The following XRN1 variants were observed in gnomAD, a reference collection of about 807,000 sequenced individuals.
The protein encoded by XRN1 is 5'-3' exoribonuclease 1.
A neutral mutation model predicts 222.3 loss-of-function variants in XRN1; 67 were observed. The ratio of observed to expected loss-of-function variants is 0.30; its 90% CI spans 0.25 to 0.37. XRN1 has a LOEUF of 0.37. Among genes scored for constraint, XRN1 ranks in the 10% least tolerant of loss-of-function variants. The pLI is 1.00. For synonymous variants in XRN1, 643 were observed against 652.4 expected (o/e 0.99, Z 0.22); for missense variants, 1,707 against 2,000.2 (o/e 0.85, Z 2.80).
chr3:142,339,789 C>T (rs1255924801), intron 33 of XRN1, among the ~76,000 whole-genome samples: 1 of 151,902 alleles, frequency 6.6e-6, no homozygotes, highest in Non-Finnish European at 1.5e-5. Flanking sequence ...AGGGCAAGAC[C>T]CTGCCTCAAA....
intron 2 of XRN1, among the ~76,000 whole-genome samples, chr3:142,431,190 T>C (rs2069505132): frequency 6.6e-6 from 1 of 152,208 alleles, no homozygotes; most frequent in African/African-American, 2.4e-5. Flanking sequence ...AGTACTATCA[T>C]TTGCAAATTA....
At chr3:142,362,383 G>A (rs1414297791) in intron 29 of XRN1, among the ~76,000 whole-genome samples, 32 of 152,048 alleles carry the variant, frequency 2.1e-4, no homozygotes, top group Admixed American at 1.8e-3. Context: ...TGAGCCGCCC[G>A]CCTTGGCTTC....
At chr3:142,371,129 CAAA>C (rs372983936) in intron 26 of XRN1, 107 bp downstream of exon 26, 8,560 of 628,480 alleles carry the variant, frequency 0.014, no homozygotes, top group Middle Eastern at 0.019. Flanking sequence ...GAACCTGTCT[CAAA>C]AAAAAAAAAA....
chr3:142,307,557 T>A lies in XRN1; in HGVS notation c.*3954A>T, dbSNP rs2064995201. On this transcript the variant is annotated 3_prime_UTR_variant, in exon 41 of 41. Coordinates refer to ENST00000392981, the MANE Select transcript of XRN1 (RefSeq NM_001282857.2). ...GACATTTTGGACTACTAAAACTATT[T>A]TATACATGTTTTTCTTCTTTAAGAA... The A allele has an allele frequency of 6.6e-6, 1 of 152,166 alleles. No individual in the cohort carries two copies. 9.4% of individuals were successfully genotyped at this position (152,166 alleles called of 1,614,324 possible). A position where few individuals can be genotyped will look rare whatever the true frequency, so the allele number is the denominator to read the frequency against.
At chr3:142,402,987 T>C (rs993602983) in intron 18 of XRN1, among the ~76,000 whole-genome samples, 1 of 152,070 alleles carries the variant, frequency 6.6e-6, no homozygotes, top group African/African-American at 2.4e-5. Flanking sequence ...GCTTTCCCGC[T>C]TTCTTTGATT....
chr3:142,404,580 G>A (rs147391595), intron 16 of XRN1, among the ~76,000 whole-genome samples: 266 of 152,188 alleles, frequency 1.7e-3, no homozygotes, highest in African/African-American at 6.2e-3. Context: ...CAGAAACACT[G>A]ACAATGGAAA....
intron 33 of XRN1, among the ~76,000 whole-genome samples, chr3:142,337,175 C>G (rs1012919718): frequency 6.6e-6 from 1 of 152,142 alleles, no homozygotes; most frequent in Non-Finnish European, 1.5e-5. Flanking sequence ...TTGCATAGTT[C>G]ATGCCTTCCT....
rs1366739718 is a variant in XRN1 at position 142,404,970 on chromosome 3, G to C, written c.1820C>G (p.Thr607Arg). ...CCATGGAGAAGGATAGATAAACTCT[G>C]TGTCTCTATCATACCAGCACATTAG... ...ECLMCWYDRDTEFIYPSPWPE... is the reference protein window; with the variant it reads ...ECLMCWYDRDREFIYPSPWPE... Residue 607 changes from threonine to arginine, a missense_variant, in exon 16 of 41, where the codon ACA becomes AGA. Physicochemically the swap from Thr to Arg is moderately conservative, Grantham distance 71. Around this residue, in one of 2 missense-constraint regions of XRN1, gnomAD observed 1,234 missense variants for 1,518.2 expected, o/e 0.81. Transcript: ENST00000392981. The C allele has an allele frequency of 1.3e-5, 21 of 1,613,992 alleles. No individual in the cohort carries two copies. The highest frequency in any genetic ancestry group is 1.7e-5 in the Non-Finnish European group (20 of 1,179,914).
intron 8 of XRN1, 105 bp downstream of exon 8, chr3:142,422,477 T>C (rs1305566609): frequency 1.3e-5 from 16 of 1,205,002 alleles, no homozygotes; most frequent in Admixed American, 2.3e-5. Context: ...CTCAATGTTT[T>C]TCTGCTTTAG....
chr3:142,420,551 T>C (rs1251613109), intron 10 of XRN1, among the ~76,000 whole-genome samples: 2 of 152,072 alleles, frequency 1.3e-5, no homozygotes, highest in South Asian at 2.1e-4. Context: ...TCTGTTTTTT[T>C]AGTAGAGATG....
chr3:142,327,685 T>A (rs2065559119), intron 37 of XRN1, among the ~76,000 whole-genome samples: 1 of 152,176 alleles, frequency 6.6e-6, no homozygotes, highest in Non-Finnish European at 1.5e-5. Context: ...TTTTAAAAAT[T>A]TGTATAAACG....
chr3:142,360,888 A>AC (rs1402124767), intron 29 of XRN1, among the ~76,000 whole-genome samples: 1 of 151,346 alleles, frequency 6.6e-6, no homozygotes, highest in African/African-American at 2.4e-5. Flanking sequence ...AAAAAAAAAA[A>AC]AACCAAACAA....
At chr3:142,337,219 TCTC>T (rs1213970911) in intron 33 of XRN1, among the ~76,000 whole-genome samples, 1 of 152,146 alleles carries the variant, frequency 6.6e-6, no homozygotes, top group Non-Finnish European at 1.5e-5. Flanking sequence ...TGGAATCTCA[TCTC>T]CTCAGAAAGG....
intron 1 of XRN1, among the ~76,000 whole-genome samples, chr3:142,443,833 C>CTTCCAACAACCT (rs2070368955): frequency 6.6e-6 from 1 of 152,192 alleles, no homozygotes; most frequent in Non-Finnish European, 1.5e-5. Context: ...GCAACCTAAG[C>CTTCCAACAACCT]GTCCATCAAC....
intron 33 of XRN1, among the ~76,000 whole-genome samples, chr3:142,341,039 G>C (rs2065977838): frequency 6.6e-6 from 1 of 152,042 alleles, no homozygotes; most frequent in Non-Finnish European, 1.5e-5. Flanking sequence ...TGTATGGTAT[G>C]TAAACTACTC....
At chr3:142,368,497 C>T (rs965699335) in intron 27 of XRN1, among the ~76,000 whole-genome samples, 40 of 152,092 alleles carry the variant, frequency 2.6e-4, no homozygotes, top group Admixed American at 9.2e-4. Flanking sequence ...CAGACTAAGA[C>T]GTTGTATATG....
At chr3:142,396,075 A>T (rs757073870) in intron 20 of XRN1, among the ~76,000 whole-genome samples, 2 of 152,228 alleles carry the variant, frequency 1.3e-5, no homozygotes, top group Non-Finnish European at 2.9e-5. Context: ...TGTAAATATC[A>T]TAAGTGTAGG....
intron 13 of XRN1, among the ~76,000 whole-genome samples, chr3:142,415,187 C>A (rs2068735577): frequency 1.3e-5 from 2 of 152,132 alleles, no homozygotes; most frequent in African/African-American, 2.4e-5. Flanking sequence ...GTTTTTATTA[C>A]CTTCTCATCT....
chr3:142,375,714 T>C, intron 25 of XRN1, 84 bp downstream of exon 25: 2 of 1,340,382 alleles, frequency 1.5e-6, no homozygotes, highest in Non-Finnish European at 2.0e-6. Flanking sequence ...ATATTTGTCC[T>C]CTAAAACTAA....
Sources: gnomAD v4.1 joint callset for allele counts (sites outside exome capture counted in the v4.1 genomes callset) on GRCh38, gnomAD v4.1.1 for gene constraint, gnomAD v4.1.1 regional missense constraint, MANE v1.5 for transcripts, NCBI Gene and HGNC (gene_info 2026-07-23, HGNC 2026-07-21) for gene names.